PCDH15: variants seen among roughly 807,000 people sequenced by gnomAD.
The protein encoded by PCDH15 is protocadherin related 15, also known as protocadherin-15.
PCDH15 carries 129 observed loss-of-function variants against 178.5 expected under a neutral mutation model. The ratio of observed to expected loss-of-function variants is 0.72; its 90% CI spans 0.63 to 0.84. The LOEUF is 0.84. Among genes scored for constraint, PCDH15 ranks in the 40% least tolerant of loss-of-function variants. The pLI is 0.00. For missense variants in PCDH15, 2,230 were observed against 2,099.9 expected (o/e 1.06, Z -1.21); for synonymous variants, 800 against 732.0 (o/e 1.09, Z -1.50).
chr10:54,240,776 C>T (rs1202155994), intron 8 of PCDH15, among the ~76,000 whole-genome samples: 5 of 151,552 alleles, frequency 3.3e-5, no homozygotes, highest in South Asian at 2.1e-4. Context: ...GGACTACAGG[C>T]GCCCGCCACC....
At chr10:54,650,458 A>G (rs574456673) in intron 2 of PCDH15, among the ~76,000 whole-genome samples, 1 of 152,260 alleles carries the variant, frequency 6.6e-6, no homozygotes, top group East Asian at 1.9e-4. Flanking sequence ...ATCTATATAA[A>G]TGGCTTAATT....
intron 18 of PCDH15, among the ~76,000 whole-genome samples, chr10:54,040,217 T>C (rs59525732): frequency 0.23 from 34,716 of 151,938 alleles, 4,223 homozygotes; most frequent in Non-Finnish European, 0.26. Context: ...CCAAATCTCA[T>C]CTTGAATTGT....
At chr10:55,402,966 T>A (rs1282140430) in intron 2 of PCDH15, among the ~76,000 whole-genome samples, 2 of 152,024 alleles carry the variant, frequency 1.3e-5, no homozygotes, top group Admixed American at 1.3e-4. Context: ...TTTCTCCACA[T>A]CCTTGCCAGC....
chr10:54,086,005 T>C (rs747807731), intron 16 of PCDH15, among the ~76,000 whole-genome samples: 8 of 152,200 alleles, frequency 5.3e-5, no homozygotes, highest in Non-Finnish European at 1.0e-4. Flanking sequence ...TATTGAAGTG[T>C]CTGATGAGGT....
Position 54,149,896 on chromosome 10 carries a change from T to A in PCDH15, c.1784+3204A>T, listed in dbSNP as rs552695953. 3.3e-5 allele frequency among the ~76,000 whole-genome samples: 5 copies of A among 152,092 alleles called. No individual in the cohort carries two copies. The East Asian group carries it at 9.7e-4, about 29-fold the overall frequency. On this transcript the variant is annotated intron_variant, in intron 14 of 37. Coordinates refer to ENST00000644397, the MANE Select transcript of PCDH15 (RefSeq NM_001384140.1). ...TTGCTTTCTGAATACATTTTTAGAG[T>A]AGAACACAGAGGAGTTGCTCCAGGT...
At chr10:54,048,361 T>C (rs1051715872) in intron 18 of PCDH15, among the ~76,000 whole-genome samples, 2 of 152,210 alleles carry the variant, frequency 1.3e-5, no homozygotes. Context: ...GGTTGTTTAC[T>C]CTGTTGATAT....
chr10:54,859,640 C>T (rs1282372043), intron 3 of PCDH15, among the ~76,000 whole-genome samples: 2 of 151,932 alleles, frequency 1.3e-5, no homozygotes, highest in Admixed American at 1.3e-4. Context: ...TATTGATCAA[C>T]AGCAGTGTTC....
At chr10:53,850,967 A>G (rs760210439) in intron 28 of PCDH15, among the ~76,000 whole-genome samples, 2 of 152,250 alleles carry the variant, frequency 1.3e-5, no homozygotes, top group Non-Finnish European at 2.9e-5. Flanking sequence ...AGGACTTTCC[A>G]TCTCACACAG....
chr10:54,685,364 T>A (rs990913966), intron 1 of PCDH15, among the ~76,000 whole-genome samples: 2 of 152,292 alleles, frequency 1.3e-5, no homozygotes, highest in African/African-American at 4.8e-5. Context: ...TTGCTATCGT[T>A]TTCAAGTACT....
intron 8 of PCDH15, among the ~76,000 whole-genome samples, chr10:54,247,365 G>A (rs1235480814): frequency 1.3e-5 from 2 of 151,994 alleles, no homozygotes; most frequent in African/African-American, 4.8e-5. Context: ...GGACCAGACA[G>A]TACATATGGC....
At chr10:55,057,818 C>T (rs1460715382) in intron 2 of PCDH15, among the ~76,000 whole-genome samples, 1 of 152,170 alleles carries the variant, frequency 6.6e-6, no homozygotes, top group Non-Finnish European at 1.5e-5. Context: ...ACTTATCTTT[C>T]CTCATCTTAT....
intron 3 of PCDH15, among the ~76,000 whole-genome samples, chr10:54,884,510 T>TGTGTGTGTGC (rs376167510): frequency 4.0e-5 from 6 of 149,882 alleles, no homozygotes; most frequent in African/African-American, 1.5e-4. Context: ...TGTGTGTGTG[T>TGTGTGTGTGC]GCACCTGTGT....
At chr10:55,505,988 T>C (rs1447598315) in intron 2 of PCDH15, among the ~76,000 whole-genome samples, 1 of 151,366 alleles carries the variant, frequency 6.6e-6, no homozygotes, top group Non-Finnish European at 1.5e-5. Flanking sequence ...GTCAGATTAT[T>C]CAGACACCTT....
chr10:54,905,748 A>C (rs548294811), intron 2 of PCDH15, among the ~76,000 whole-genome samples: 1 of 152,232 alleles, frequency 6.6e-6, no homozygotes, highest in South Asian at 2.1e-4. Context: ...ATGGACAAGA[A>C]CAGGGGTTGA....
intron 2 of PCDH15, among the ~76,000 whole-genome samples, chr10:55,613,703 A>AT (rs1404148679): frequency 6.6e-6 from 1 of 152,162 alleles, no homozygotes; most frequent in African/African-American, 2.4e-5. Flanking sequence ...CCCTAGTATT[A>AT]TTTTTTTCTT....
At chr10:54,189,921 GTGTA>G (rs3068477) in intron 11 of PCDH15, among the ~76,000 whole-genome samples, 2,484 of 95,326 alleles carry the variant, frequency 0.026, 48 homozygotes, top group Admixed American at 0.093. Flanking sequence ...ATACATGCAT[GTGTA>G]TGTGTGTGTG....
intron 2 of PCDH15, among the ~76,000 whole-genome samples, chr10:54,974,618 C>T (rs1237130173): frequency 6.6e-6 from 1 of 151,830 alleles, no homozygotes; most frequent in African/African-American, 2.4e-5. Context: ...ATTCCCTGGC[C>T]TTCTCTTCTT....
intron 11 of PCDH15, among the ~76,000 whole-genome samples, chr10:54,187,458 T>C (rs1269764763): frequency 6.6e-6 from 1 of 151,942 alleles, no homozygotes; most frequent in Non-Finnish European, 1.5e-5. Flanking sequence ...TTTACCACTT[T>C]CAAGAAAACC....
chr10:54,225,740 C>T (rs1444400452), intron 9 of PCDH15, among the ~76,000 whole-genome samples: 1 of 150,748 alleles, frequency 6.6e-6, no homozygotes, highest in Non-Finnish European at 1.5e-5. Flanking sequence ...GTGAAATGCA[C>T]AGATCTTAAG....
Sources: allele counts gnomAD v4.1 joint callset (sites outside exome capture counted in the v4.1 genomes callset), GRCh38; gene constraint gnomAD v4.1.1; transcripts MANE v1.5; gene names NCBI Gene and HGNC (gene_info 2026-07-23, HGNC 2026-07-21).